Variants in SLCO6A1 observed in about 807,000 individuals in gnomAD.
SLCO6A1 encodes the protein cancer/testis antigen 48.
A neutral mutation model predicts 72.7 loss-of-function variants in SLCO6A1; 65 were observed. The observed-to-expected ratio is 0.89, with a 90% CI of 0.73 to 1.10. The LOEUF is 1.10. Among genes scored for constraint, SLCO6A1 ranks in the 50% least tolerant of loss-of-function variants. The pLI is 0.00. For missense variants in SLCO6A1, 874 were observed against 872.6 expected (o/e 1.00, Z -0.02); for synonymous variants, 314 against 298.2 (o/e 1.05, Z -0.55).
intron 10 of SLCO6A1, among the ~76,000 whole-genome samples, chr5:102,398,643 T>C (rs527453448): frequency 6.6e-6 from 1 of 152,262 alleles, no homozygotes; most frequent in African/African-American, 2.4e-5. Flanking sequence ...AATAGCAACA[T>C]TCATGTTAAC....
intron 1 of SLCO6A1, among the ~76,000 whole-genome samples, chr5:102,481,491 T>G (rs771985704): frequency 2.0e-5 from 3 of 152,180 alleles, no homozygotes; most frequent in Admixed American, 1.3e-4. Context: ...ACTTGCAGCA[T>G]GTAAGTCGAA....
At chr5:102,428,699 T>A (rs1404478532) in intron 7 of SLCO6A1, among the ~76,000 whole-genome samples, 1 of 152,146 alleles carries the variant, frequency 6.6e-6, no homozygotes, top group Admixed American at 6.6e-5. Context: ...TCTCTTTGCA[T>A]CTATAGGTTC....
chr5:102,477,539 G>T, intron 3 of SLCO6A1, 137 bp downstream of exon 3: 2 of 651,288 alleles, frequency 3.1e-6, no homozygotes, highest in Non-Finnish European at 5.0e-6. Flanking sequence ...GTGATTTGGA[G>T]GTTTAGCATA....
intron 1 of SLCO6A1, among the ~76,000 whole-genome samples, chr5:102,489,746 A>G (rs1309216841): frequency 1.3e-5 from 2 of 152,260 alleles, no homozygotes; most frequent in African/African-American, 4.8e-5. Flanking sequence ...GCTACTGGAT[A>G]TATATTCAAA....
intron 6 of SLCO6A1, among the ~76,000 whole-genome samples, chr5:102,439,644 A>G (rs993978335): frequency 6.6e-6 from 1 of 152,076 alleles, no homozygotes; most frequent in African/African-American, 2.4e-5. Context: ...CTCTACCATC[A>G]CAAACTACAC....
intron 7 of SLCO6A1, among the ~76,000 whole-genome samples, chr5:102,424,698 A>G (rs1748795083): frequency 6.6e-6 from 1 of 152,176 alleles, no homozygotes; most frequent in Non-Finnish European, 1.5e-5. Flanking sequence ...AGGTACAAAG[A>G]AGAGTTGGTA....
At chr5:102,496,105 C>T (rs898109954) in intron 1 of SLCO6A1, among the ~76,000 whole-genome samples, 20 of 152,212 alleles carry the variant, frequency 1.3e-4, no homozygotes, top group African/African-American at 4.1e-4. Context: ...CTGTGAGGAA[C>T]GATGGTTATG....
At chr5:102,462,716 C>T (rs991903658) in intron 4 of SLCO6A1, among the ~76,000 whole-genome samples, 1 of 152,090 alleles carries the variant, frequency 6.6e-6, no homozygotes, top group African/African-American at 2.4e-5. Flanking sequence ...CCTCATTGTC[C>T]ATTTATACAA....
intron 6 of SLCO6A1, among the ~76,000 whole-genome samples, chr5:102,448,101 T>G (rs1235157182): frequency 6.6e-6 from 1 of 152,250 alleles, no homozygotes; most frequent in Non-Finnish European, 1.5e-5. Context: ...AAAGAATTTC[T>G]TGATTTCTGC....
At chr5:102,436,959 T>C (rs141770019) in intron 7 of SLCO6A1, among the ~76,000 whole-genome samples, 4 of 152,278 alleles carry the variant, frequency 2.6e-5, no homozygotes, top group African/African-American at 9.6e-5. Flanking sequence ...TAAAAGATCA[T>C]CAAGTGTTTA....
intron 12 of SLCO6A1, among the ~76,000 whole-genome samples, chr5:102,377,828 C>T (rs1476925818): frequency 6.6e-6 from 1 of 151,684 alleles, no homozygotes; most frequent in Non-Finnish European, 1.5e-5. Context: ...TGAGCCACCA[C>T]ATCCAGCTAA....
In SLCO6A1 at chr5:102,448,432, TTCTGCCTCAGTGA is replaced by T. The variant is rs375962029; in HGVS notation, c.1132-9684_1132-9672del. On this transcript the variant is annotated intron_variant, in intron 6 of 13. Coordinates refer to ENST00000506729, the MANE Select transcript of SLCO6A1 (RefSeq NM_173488.5). ...TTTAGGTCCCAAATATCTGTTAGTA[TTCTGCCTCAGTGA>T]TCTGTCCAATACTGTCAGTGGGGTG... Among the ~76,000 whole-genome samples, 1,234 of 152,308 alleles carry T rather than the reference TTCTGCCTCAGTGA, an allele frequency of 8.1e-3. 12 individuals are homozygous for T. The highest frequency in any genetic ancestry group is 0.015 in the Non-Finnish European group (1,006 of 68,008).
intron 1 of SLCO6A1, among the ~76,000 whole-genome samples, chr5:102,481,529 A>C (rs2112834116): frequency 6.6e-6 from 1 of 152,304 alleles, no homozygotes; most frequent in South Asian, 2.1e-4. Flanking sequence ...AACTCTGGGA[A>C]TTGTGGTTTC....
In SLCO6A1 at chr5:102,413,069, A is replaced by G. The variant is rs1748078485; in HGVS notation, c.1547T>C (p.Ile516Thr). The change falls in exon 9 of 14, where the codon ATA (isoleucine) becomes ACA (threonine). Residue 516 changes from isoleucine (I) to threonine (T), a missense_variant. Physicochemically the swap from Ile to Thr is moderately conservative, Grantham distance 89 (BLOSUM62 -1). Coordinates refer to ENST00000506729, the MANE Select transcript of SLCO6A1 (RefSeq NM_173488.5). ...ATATTCAATATCATCTCTTCCACAT[A>G]TAGAAGAATAAATTGAAGATGAGCA... ...CRCSSSIYSS[I>T]CGRDDIEYFS... 6.3e-7 allele frequency: 1 copy of G among 1,579,510 alleles called. No individual in the cohort carries two copies. The highest frequency in any genetic ancestry group is 8.6e-7 in the Non-Finnish European group (1 of 1,166,556).
In SLCO6A1 at chr5:102,429,039, AT is replaced by A. The variant is rs558969310; in HGVS notation, c.1277-9019del. 1.1e-4 allele frequency among the ~76,000 whole-genome samples: 17 copies of A among 152,248 alleles called. No individual in the cohort carries two copies. In the South Asian group the frequency reaches 3.5e-3, roughly 32 times the overall value. The stretch of plus-strand genomic sequence containing the variant: ...CGTGGTATTGATTTGCATTTCTCTA[AT>A]GATAAGTGATACTGAGGTTTTTTCA... On this transcript the variant is annotated intron_variant, in intron 7 of 13. Coordinates refer to ENST00000506729, the MANE Select transcript of SLCO6A1 (RefSeq NM_173488.5).
chr5:102,372,530 A>G (rs1750680555), intron 13 of SLCO6A1, among the ~76,000 whole-genome samples: 3 of 151,920 alleles, frequency 2.0e-5, no homozygotes, highest in Admixed American at 2.0e-4. Flanking sequence ...AGCTTAAAAA[A>G]TCTATAAATA....
chr5:102,391,117 G>A (rs965506915), intron 10 of SLCO6A1, 72 bp from the exon 11 acceptor site: 8 of 1,410,454 alleles, frequency 5.7e-6, no homozygotes, highest in East Asian at 4.6e-5. Flanking sequence ...CTAGATTCAA[G>A]GCTAATCATT....
In SLCO6A1 at chr5:102,413,075, G is replaced by T. The variant is rs749844596; in HGVS notation, c.1541C>A (p.Ser514Tyr). 28 of 1,579,392 alleles carry T rather than the reference G, an allele frequency of 1.8e-5. No individual in the cohort carries two copies. Among genetic ancestry groups the T allele is most frequent in the African/African-American group, 2.7e-5 (2 of 73,250 alleles). ...EKCRCSSSIY[S>Y]SICGRDDIEY... is the part of the protein sequence containing the mutation. ...AATATCATCTCTTCCACATATAGAA[G>T]AATAAATTGAAGATGAGCATCTACA... The change falls in exon 9 of 14, where the codon TCT (serine) becomes TAT (tyrosine). Residue 514 changes from serine to tyrosine, a missense_variant. Coordinates refer to ENST00000506729, the MANE Select transcript of SLCO6A1 (RefSeq NM_173488.5).
chr5:102,400,062 T>G (rs1377881107), intron 9 of SLCO6A1, among the ~76,000 whole-genome samples: 1 of 151,878 alleles, frequency 6.6e-6, no homozygotes, highest in Non-Finnish European at 1.5e-5. Flanking sequence ...ATATATAAAT[T>G]GAGGGAAATT....
Sources: gnomAD v4.1 joint callset for allele counts (sites outside exome capture counted in the v4.1 genomes callset) on GRCh38, gnomAD v4.1.1 for gene constraint, MANE v1.5 for transcripts, NCBI Gene and HGNC (gene_info 2026-07-23, HGNC 2026-07-21) for gene names.